UNC5D: variants seen among roughly 807,000 people sequenced by gnomAD.
UNC5D encodes the protein netrin receptor UNC5D.
In UNC5D, 39 loss-of-function variants were observed where a neutral mutation model predicts 105.4. That is an observed-to-expected ratio of 0.37 (90% confidence interval 0.29 to 0.48). The LOEUF (loss-of-function observed/expected upper bound fraction) is 0.48, where lower values mean the gene tolerates loss of function less well. Ranked by LOEUF, UNC5D falls within the 20% of genes least tolerant of loss-of-function variation. The probability of loss-of-function intolerance (pLI) is 0.98; values close to 1 mark genes in which losing one functional copy is unlikely to be tolerated. For synonymous variants in UNC5D, 452 were observed against 450.4 expected, an observed-to-expected ratio of 1.00 and a Z score of -0.04; for missense variants, 991 against 1,202.4, an observed-to-expected ratio of 0.82 and a Z score of 2.60.
chr8:35,313,878 A>G (rs996052269), intron 1 of UNC5D, among the ~76,000 whole-genome samples: 3 of 152,218 alleles, frequency 2.0e-5, no homozygotes, highest in African/African-American at 7.2e-5. Context: ...TAAGTGCTCC[A>G]TAAATGTAGC....
chr8:35,695,181 T>A (rs1481573713), intron 7 of UNC5D, among the ~76,000 whole-genome samples: 1 of 152,182 alleles, frequency 6.6e-6, no homozygotes, highest in Non-Finnish European at 1.5e-5. Flanking sequence ...TCTTAAACTT[T>A]CTGTTGGACA....
chr8:35,252,686 G>A (rs752540040), intron 1 of UNC5D, among the ~76,000 whole-genome samples: 1 of 152,096 alleles, frequency 6.6e-6, no homozygotes, highest in Non-Finnish European at 1.5e-5. Context: ...GTGATTATCA[G>A]ATTTTTTTCT....
chr8:35,696,129 A>G (rs1036121167), intron 7 of UNC5D, among the ~76,000 whole-genome samples: 8 of 152,164 alleles, frequency 5.3e-5, no homozygotes, highest in Non-Finnish European at 1.0e-4. Context: ...ACTAGACTGT[A>G]CTAGACTGTA....
chr8:35,365,874 C>T (rs916893727), intron 1 of UNC5D, among the ~76,000 whole-genome samples: 23 of 151,902 alleles, frequency 1.5e-4, no homozygotes, highest in African/African-American at 5.6e-4. Context: ...AGGCAGAAGC[C>T]CTGACTTGAA....
intron 1 of UNC5D, among the ~76,000 whole-genome samples, chr8:35,450,436 A>G (rs910627897): frequency 6.6e-6 from 1 of 152,128 alleles, no homozygotes; most frequent in African/African-American, 2.4e-5. Flanking sequence ...ATTGATATCT[A>G]TTTATAATAT....
At chr8:35,656,090 A>G (rs1021359477) in intron 4 of UNC5D, among the ~76,000 whole-genome samples, 1 of 152,094 alleles carries the variant, frequency 6.6e-6, no homozygotes, top group African/African-American at 2.4e-5. Context: ...GTTCTTCTTT[A>G]TTTGGGAGAG....
intron 1 of UNC5D, among the ~76,000 whole-genome samples, chr8:35,411,181 C>T (rs888522347): frequency 6.6e-6 from 1 of 151,992 alleles, no homozygotes; most frequent in Non-Finnish European, 1.5e-5. Flanking sequence ...ACCCATGGCT[C>T]CATGAGCACC....
At chr8:35,511,282 T>C (rs1373997340) in intron 1 of UNC5D, among the ~76,000 whole-genome samples, 1 of 152,096 alleles carries the variant, frequency 6.6e-6, no homozygotes, top group Non-Finnish European at 1.5e-5. Context: ...GACCAGTATA[T>C]AAAATCATGT....
intron 1 of UNC5D, among the ~76,000 whole-genome samples, chr8:35,268,838 C>T (rs1480984758): frequency 1.3e-5 from 2 of 151,924 alleles, no homozygotes; most frequent in Non-Finnish European, 2.9e-5. Context: ...ATGCAGGGTC[C>T]CTACATAGAT....
chr8:35,247,608 A>ATG (rs1220829370), intron 1 of UNC5D, among the ~76,000 whole-genome samples: 10 of 93,828 alleles, frequency 1.1e-4, no homozygotes, highest in South Asian at 2.8e-4. Flanking sequence ...ATATATAAAT[A>ATG]TATATTATAT....
chr8:35,493,122 C>G (rs559765669), intron 1 of UNC5D, among the ~76,000 whole-genome samples: 183 of 152,048 alleles, frequency 1.2e-3, no homozygotes, highest in Middle Eastern at 0.01. Flanking sequence ...GAGGCAGCTT[C>G]TAAGACCTTC....
intron 4 of UNC5D, among the ~76,000 whole-genome samples, chr8:35,640,429 T>C (rs541564348): frequency 6.6e-6 from 1 of 152,276 alleles, no homozygotes; most frequent in South Asian, 2.1e-4. Context: ...ATAATGTAGC[T>C]TGTGGTCAAA....
Position 35,475,235 on chromosome 8 carries a change from A to G in UNC5D, c.104-74057A>G, listed in dbSNP as rs540515736. Among the ~76,000 whole-genome samples the G allele has an allele frequency of 4.6e-5, 7 of 152,312 alleles. No homozygotes were observed. The South Asian group carries it at 1.5e-3, about 32-fold the overall frequency. ...TATCAGTCAAATTGAGGGGACCCCA[A>G]TGAGACAGAGGGATAAAGGCCGAAG... On this transcript the variant is annotated intron_variant, in intron 1 of 16. Coordinates refer to ENST00000404895, the MANE Select transcript of UNC5D (RefSeq NM_080872.4).
At chr8:35,622,135 A>G (rs986856208) in intron 4 of UNC5D, among the ~76,000 whole-genome samples, 2 of 152,134 alleles carry the variant, frequency 1.3e-5, no homozygotes, top group East Asian at 3.9e-4. Context: ...TGAAGTCAAG[A>G]GATCGAGACC....
intron 1 of UNC5D, among the ~76,000 whole-genome samples, chr8:35,534,114 T>A (rs1019876874): frequency 2.0e-5 from 3 of 152,234 alleles, no homozygotes; most frequent in Admixed American, 6.5e-5. Context: ...TATATCATCA[T>A]TTGTCAATGG....
At chr8:35,763,033 C>G (rs1801611270) in intron 14 of UNC5D, among the ~76,000 whole-genome samples, 2 of 152,214 alleles carry the variant, frequency 1.3e-5, no homozygotes, top group Admixed American at 1.3e-4. Context: ...TTCCTCTCAG[C>G]TCAGAGAGCT....
At chr8:35,437,003 T>C (rs1375208656) in intron 1 of UNC5D, among the ~76,000 whole-genome samples, 2 of 151,388 alleles carry the variant, frequency 1.3e-5, no homozygotes, top group Non-Finnish European at 2.9e-5. Context: ...TCATTTTTAG[T>C]CATTTTTTTT....
At chr8:35,272,503 G>A (rs1272158550) in intron 1 of UNC5D, among the ~76,000 whole-genome samples, 1 of 152,164 alleles carries the variant, frequency 6.6e-6, no homozygotes, top group African/African-American at 2.4e-5. Flanking sequence ...TCTTTAGAGT[G>A]TTCCAAACTC....
intron 8 of UNC5D, among the ~76,000 whole-genome samples, chr8:35,718,469 T>G (rs62504075): frequency 7.2e-5 from 11 of 152,206 alleles, no homozygotes; most frequent in Non-Finnish European, 1.6e-4. Context: ...CTGTGGTTTC[T>G]TTGATATTTC....
Sources: allele counts gnomAD v4.1 joint callset (sites outside exome capture counted in the v4.1 genomes callset), GRCh38; gene constraint gnomAD v4.1.1; transcripts MANE v1.5; gene names NCBI Gene and HGNC (gene_info 2026-07-23, HGNC 2026-07-21).